The following CTNNBIP1 variants were observed in gnomAD, a reference collection of about 807,000 sequenced individuals.
The protein encoded by CTNNBIP1 is catenin beta interacting protein 1, also known as beta-catenin-interacting protein 1.
CTNNBIP1 carries 7 observed loss-of-function variants against 11.8 expected under a neutral mutation model. The observed-to-expected ratio is 0.60, with a 90% CI of 0.34 to 1.12. The LOEUF (loss-of-function observed/expected upper bound fraction) is 1.12. Ranked by LOEUF, CTNNBIP1 falls within the 50% of genes most tolerant of loss-of-function variation. CTNNBIP1 has a pLI of 0.03. For synonymous variants in CTNNBIP1, 58 were observed against 43.9 expected (o/e 1.32, Z -1.26); for missense variants, 101 against 113.4 (o/e 0.89, Z 0.50).
intron 5 of CTNNBIP1, 152 bp from the exon 6 acceptor site, chr1:9,850,928 C>T (rs967662222): frequency 2.7e-6 from 2 of 739,472 alleles, no homozygotes; most frequent in Admixed American, 2.0e-5. Flanking sequence ...GTCTTCCTCC[C>T]CTCTGGTCTT....
chr1:9,908,806 G>A lies in CTNNBIP1; in HGVS notation c.-144+1289C>T, dbSNP rs116079405. ...GTCATCTCTGAGGAGGGCAGAAACC[G>A]TGTCTGTCTTCACCACTAAAGCCCC... On this transcript the variant is annotated intron_variant, in intron 1 of 5. Coordinates refer to ENST00000377263, the MANE Select transcript of CTNNBIP1 (RefSeq NM_020248.3). 5.7e-3 allele frequency among the ~76,000 whole-genome samples: 868 copies of A among 152,246 alleles called. 11 individuals are homozygous for A. Among genetic ancestry groups the A allele is most frequent in the African/African-American group, 0.02 (816 of 41,524 alleles).
intron 5 of CTNNBIP1, among the ~76,000 whole-genome samples, chr1:9,856,147 C>CAA (rs202190670): frequency 1.5e-4 from 22 of 145,052 alleles, no homozygotes; most frequent in Non-Finnish European, 2.6e-4. Context: ...GACTCTGTCT[C>CAA]AAAAAAAAAA....
At chr1:9,875,478 C>T (rs953663796) in intron 3 of CTNNBIP1, among the ~76,000 whole-genome samples, 5 of 152,204 alleles carry the variant, frequency 3.3e-5, no homozygotes, top group African/African-American at 1.2e-4. Flanking sequence ...GGTGCCGCCC[C>T]GTCTTCCCGG....
At chr1:9,884,894 G>A (rs1384098936) in intron 1 of CTNNBIP1, among the ~76,000 whole-genome samples, 1 of 152,114 alleles carries the variant, frequency 6.6e-6, no homozygotes, top group Non-Finnish European at 1.5e-5. Context: ...GGGGGCACAG[G>A]GGCGGCTGCA....
chr1:9,903,095 C>G (rs562183515), intron 1 of CTNNBIP1, among the ~76,000 whole-genome samples: 2 of 152,084 alleles, frequency 1.3e-5, no homozygotes, highest in Non-Finnish European at 2.9e-5. Context: ...CTGCTTGCCA[C>G]GATATTCCTA....
At position 9,882,385 on chromosome 1, in the gene CTNNBIP1, G is replaced by C. The variant is rs188201124; in HGVS notation, c.-110+1320C>G. Among the ~76,000 whole-genome samples the C allele has an allele frequency of 2.7e-4, 41 of 152,354 alleles. 2 individuals carry two copies. The East Asian group carries it at 5.2e-3, about 19-fold the overall frequency. On this transcript the variant is annotated intron_variant, in intron 2 of 5. Coordinates refer to ENST00000377263, the MANE Select transcript of CTNNBIP1 (RefSeq NM_020248.3). The stretch of plus-strand genomic sequence containing the variant: ...CAAGTCACCCAGATCAATGATCTCA[G>C]ACACTGAGACAAAGAACATGAAGGT...
intron 1 of CTNNBIP1, among the ~76,000 whole-genome samples, chr1:9,902,623 T>G (rs938095925): frequency 2.0e-5 from 3 of 152,190 alleles, no homozygotes; most frequent in Non-Finnish European, 4.4e-5. Flanking sequence ...GGGGCCAGTG[T>G]GCATCTGGAG....
rs1639707604 is a variant in CTNNBIP1 at position 9,910,170 on chromosome 1, G to C, written c.-219C>G. 6.8e-6 allele frequency: 1 copy of C among 147,116 alleles called. No individual in the cohort carries two copies. Among genetic ancestry groups the C allele is most frequent in the South Asian group, 2.1e-4 (1 of 4,832 alleles). 9.1% of individuals were successfully genotyped at this position (147,116 alleles called of 1,614,324 possible). ...AGCGCGCGGCGGCCTGTTCCGGGGC[G>C]TGCTCAGCCCGAGCAGCCGCTGCGG... On this transcript the variant is annotated 5_prime_UTR_variant, in exon 1 of 6. Transcript: ENST00000377263.
intron 3 of CTNNBIP1, among the ~76,000 whole-genome samples, chr1:9,876,644 G>A (rs1638973567): frequency 6.6e-6 from 1 of 152,022 alleles, no homozygotes; most frequent in Admixed American, 6.6e-5. Context: ...AAACAGAAAA[G>A]AAACAACAGG....
rs1191399695 is a variant in CTNNBIP1 at position 9,867,360 on chromosome 1, T to A, written c.187+3827A>T. On this transcript the variant is annotated intron_variant, in intron 5 of 5. Transcript: ENST00000377263. The surrounding 1 kb of genome is among the most constrained non-coding windows in gnomAD (Gnocchi z 4.6). ...CACCTGCCTGGCTCCCCATAGATACTCAACAAATGTGACCGAGGAAGGAAT... is the reference window on the plus strand; with the variant it reads ...CACCTGCCTGGCTCCCCATAGATACACAACAAATGTGACCGAGGAAGGAAT... 2.0e-5 allele frequency among the ~76,000 whole-genome samples: 3 copies of A among 151,992 alleles called. No individual in the cohort carries two copies. The highest frequency in any genetic ancestry group is 7.2e-5 in the African/African-American group (3 of 41,390).
intron 1 of CTNNBIP1, among the ~76,000 whole-genome samples, chr1:9,899,370 C>T (rs993104280): frequency 1.2e-4 from 18 of 148,778 alleles, no homozygotes; most frequent in Non-Finnish European, 2.5e-4. Flanking sequence ...GCAGGAGAAT[C>T]GCTGGAACCT....
rs1235714016 is a variant in CTNNBIP1, at chr1:9,849,835, A to G, written c.*883T>C. ...CAGGCAGTGCACATAAATCCCGCCT[A>G]ACGGTTACCTCTAGGCCCTGGGCTG... On this transcript the variant is annotated 3_prime_UTR_variant, in exon 6 of 6. Transcript: ENST00000377263. 6.6e-6 allele frequency: 1 copy of G among 152,180 alleles called. No individual in the cohort carries two copies. Among genetic ancestry groups the G allele is most frequent in the African/African-American group, 2.4e-5 (1 of 41,428 alleles). 9.4% of individuals were successfully genotyped at this position (152,180 alleles called of 1,614,324 possible).
At chr1:9,854,858 G>A (rs886332092) in intron 5 of CTNNBIP1, among the ~76,000 whole-genome samples, 1 of 152,044 alleles carries the variant, frequency 6.6e-6, no homozygotes, top group Non-Finnish European at 1.5e-5. Flanking sequence ...TGTATTTTTT[G>A]TAGAGATGGG....
In CTNNBIP1 at chr1:9,867,666, C is replaced by A. The variant is rs1019317460; in HGVS notation, c.187+3521G>T. Among the ~76,000 whole-genome samples, 8 of 152,284 alleles carry A rather than the reference C, an allele frequency of 5.3e-5. No individual in the cohort carries two copies. The highest frequency in any genetic ancestry group is 1.9e-4 in the African/African-American group (8 of 41,532). ...CTGAGAGACAGCGCCACCTAGTGGG[C>A]AGGAGGTGCACGCCAGGCCATTACC... On this transcript the variant is annotated intron_variant, in intron 5 of 5. Coordinates refer to ENST00000377263, the MANE Select transcript of CTNNBIP1 (RefSeq NM_020248.3). This position sits in a 1 kb window ranked among gnomAD's most constrained non-coding sequence, Gnocchi z 4.6.
intron 5 of CTNNBIP1, among the ~76,000 whole-genome samples, chr1:9,861,399 A>C (rs1638622780): frequency 6.6e-6 from 1 of 152,206 alleles, no homozygotes; most frequent in African/African-American, 2.4e-5. Context: ...GCAGCTCGGG[A>C]CTATGAGCTG....
Position 9,872,873 on chromosome 1 carries a change from G to A in CTNNBIP1, c.-24-785C>T, listed in dbSNP as rs1156994849. 2.0e-5 allele frequency among the ~76,000 whole-genome samples: 3 copies of A among 152,194 alleles called. No individual in the cohort carries two copies. Among genetic ancestry groups the A allele is most frequent in the African/African-American group, 7.2e-5 (3 of 41,438 alleles). On this transcript the variant is annotated intron_variant, in intron 3 of 5. Coordinates refer to ENST00000377263, the MANE Select transcript of CTNNBIP1 (RefSeq NM_020248.3). This position sits in a 1 kb window ranked among gnomAD's most constrained non-coding sequence, Gnocchi z 4.0. ...GGAGGAGAGGAAGCTGGGTATGGAGGGGCTTGGGTTACACACTGGTAACTC... is the reference window on the plus strand; with the variant it reads ...GGAGGAGAGGAAGCTGGGTATGGAGAGGCTTGGGTTACACACTGGTAACTC...
Position 9,867,187 on chromosome 1 carries a change from G to A in CTNNBIP1, c.187+4000C>T, listed in dbSNP as rs548117620. On this transcript the variant is annotated intron_variant, in intron 5 of 5. Coordinates refer to ENST00000377263, the MANE Select transcript of CTNNBIP1 (RefSeq NM_020248.3). The surrounding 1 kb of genome is among the most constrained non-coding windows in gnomAD (Gnocchi z 4.6). Reference sequence around the variant, plus strand: ...TGGGAAACAGCCAGTGAGGGGTGACGTGAAGGACAAGGGAGGGAAAGGAGG... The same window carrying A: ...TGGGAAACAGCCAGTGAGGGGTGACATGAAGGACAAGGGAGGGAAAGGAGG... Among the ~76,000 whole-genome samples, 5 of 152,296 alleles carry A rather than the reference G, an allele frequency of 3.3e-5. No homozygotes were observed. The highest frequency in any genetic ancestry group is 5.9e-5 in the Non-Finnish European group (4 of 68,020).
intron 1 of CTNNBIP1, among the ~76,000 whole-genome samples, chr1:9,885,644 TAA>T (rs528856859): frequency 3.8e-4 from 51 of 133,572 alleles, no homozygotes; most frequent in Non-Finnish European, 3.1e-4. Flanking sequence ...ACCCTGTCTC[TAA>T]AAAAAAAAAA....
intron 1 of CTNNBIP1, among the ~76,000 whole-genome samples, chr1:9,889,456 C>T (rs1256612220): frequency 1.3e-5 from 2 of 152,168 alleles, no homozygotes; most frequent in Non-Finnish European, 2.9e-5. Context: ...TCGGAGCTGC[C>T]GATTGCACCA....
Sources: allele counts gnomAD v4.1 joint callset (sites outside exome capture counted in the v4.1 genomes callset), GRCh38; gene constraint gnomAD v4.1.1; non-coding constraint Gnocchi (gnomAD v3.1); transcripts MANE v1.5; gene names NCBI Gene and HGNC (gene_info 2026-07-23, HGNC 2026-07-21).